The following MDGA2 variants were observed in gnomAD, a reference collection of about 807,000 sequenced individuals.
The protein encoded by MDGA2 is MAM domain-containing glycosylphosphatidylinositol anchor protein 2.
Under a neutral mutation model 117.8 loss-of-function variants are expected in MDGA2, and 40 were observed. The ratio of observed to expected loss-of-function variants is 0.34; its 90% CI spans 0.26 to 0.44. The LOEUF is 0.44. Among genes scored for constraint, MDGA2 ranks in the 20% least tolerant of loss-of-function variants. The pLI, the probability that MDGA2 is intolerant of heterozygous loss-of-function variation, is 1.00. For missense variants in MDGA2, 1,123 were observed against 1,250.6 expected (o/e 0.90, Z 1.54); for synonymous variants, 452 against 439.0 (o/e 1.03, Z -0.37).
At chr14:47,433,731 C>A (rs1042549123) in intron 1 of MDGA2, among the ~76,000 whole-genome samples, 5 of 152,192 alleles carry the variant, frequency 3.3e-5, no homozygotes, top group Non-Finnish European at 5.9e-5. Context: ...GGGATAAGCA[C>A]ACTGAGAAAA....
chr14:47,262,498 G>A (rs563636121), intron 2 of MDGA2, among the ~76,000 whole-genome samples: 1 of 152,288 alleles, frequency 6.6e-6, no homozygotes, highest in East Asian at 1.9e-4. Flanking sequence ...AATAGTATGT[G>A]CATTGTAAAA....
chr14:47,198,310 C>CGCCTG (rs1885362246), intron 3 of MDGA2, among the ~76,000 whole-genome samples: 1 of 152,292 alleles, frequency 6.6e-6, no homozygotes, highest in Admixed American at 6.5e-5. Context: ...TGGTGGCTCA[C>CGCCTG]GCCTGTAATC....
chr14:47,481,544 T>C (rs751881424), intron 1 of MDGA2, among the ~76,000 whole-genome samples: 6 of 151,968 alleles, frequency 3.9e-5, no homozygotes, highest in Non-Finnish European at 7.4e-5. Context: ...TTCAAAAATA[T>C]CCAATCTTTG....
At chr14:47,294,550 A>G (rs1888998652) in intron 2 of MDGA2, among the ~76,000 whole-genome samples, 1 of 149,894 alleles carries the variant, frequency 6.7e-6, no homozygotes, top group African/African-American at 2.4e-5. Context: ...TATGTTTATC[A>G]CAGACGAAAA....
At chr14:47,291,250 A>G (rs1416539944) in intron 2 of MDGA2, among the ~76,000 whole-genome samples, 1 of 152,230 alleles carries the variant, frequency 6.6e-6, no homozygotes. Context: ...TTTTAAATGT[A>G]GTATGTGCAG....
chr14:47,500,654 C>A (rs1218161884), intron 1 of MDGA2, among the ~76,000 whole-genome samples: 1 of 151,870 alleles, frequency 6.6e-6, no homozygotes, highest in Non-Finnish European at 1.5e-5. Flanking sequence ...GTCCAGAATG[C>A]AACAATTTTA....
chr14:47,111,835 A>G (rs1881053988), intron 5 of MDGA2, among the ~76,000 whole-genome samples: 1 of 152,148 alleles, frequency 6.6e-6, no homozygotes, highest in African/African-American at 2.4e-5. Flanking sequence ...CCTATCTTCC[A>G]TATGTTTCAA....
chr14:47,128,848 C>A (rs1882039665), intron 5 of MDGA2, among the ~76,000 whole-genome samples: 1 of 151,926 alleles, frequency 6.6e-6, no homozygotes, highest in Admixed American at 6.6e-5. Context: ...TCGCCTGCCA[C>A]CATGCCCGGC....
chr14:47,068,602 A>G (rs1890168520), intron 6 of MDGA2, among the ~76,000 whole-genome samples: 1 of 151,946 alleles, frequency 6.6e-6, no homozygotes, highest in Non-Finnish European at 1.5e-5. Context: ...GGGTATTTTG[A>G]GCTCACCTTT....
At chr14:47,138,098 A>T (rs1190836765) in intron 4 of MDGA2, among the ~76,000 whole-genome samples, 1 of 152,178 alleles carries the variant, frequency 6.6e-6, no homozygotes, top group East Asian at 1.9e-4. Flanking sequence ...AGAATGTATA[A>T]GAAAGCAGAG....
intron 3 of MDGA2, among the ~76,000 whole-genome samples, chr14:47,163,168 G>T (rs928879157): frequency 2.4e-4 from 36 of 152,278 alleles, no homozygotes; most frequent in Admixed American, 1.8e-3. Context: ...AGTCATCCCT[G>T]CTCCATGGAC....
intron 1 of MDGA2, among the ~76,000 whole-genome samples, chr14:47,330,490 T>C (rs1364804198): frequency 6.6e-6 from 1 of 151,890 alleles, no homozygotes; most frequent in Non-Finnish European, 1.5e-5. Flanking sequence ...TACAAATATT[T>C]GGTAAATTTT....
At chr14:46,881,009 AAC>A (rs72117373) in intron 11 of MDGA2, among the ~76,000 whole-genome samples, 62,408 of 145,458 alleles carry the variant, frequency 0.43, 14,088 homozygotes, top group East Asian at 0.71. Context: ...AACTATCACT[AAC>A]ACACACACAC....
At chr14:47,158,363 GGTGTGT>G (rs34198544) in intron 3 of MDGA2, among the ~76,000 whole-genome samples, 150 of 146,748 alleles carry the variant, frequency 1.0e-3, no homozygotes, top group South Asian at 4.6e-3. Flanking sequence ...CCCTGGGGTG[GGTGTGT>G]GTGTGTGTGT....
At chr14:47,089,656 GGTTT>G (rs1427503904) in intron 6 of MDGA2, among the ~76,000 whole-genome samples, 2 of 152,000 alleles carry the variant, frequency 1.3e-5, no homozygotes, top group Non-Finnish European at 2.9e-5. Context: ...ACAACCTGCA[GGTTT>G]GTTACATATG....
At chr14:47,177,845 TTA>T (rs1408779275) in intron 3 of MDGA2, among the ~76,000 whole-genome samples, 2 of 152,046 alleles carry the variant, frequency 1.3e-5, no homozygotes, top group Non-Finnish European at 2.9e-5. Flanking sequence ...TGTTAATTTA[TTA>T]TATGTATGTG....
chr14:47,175,144 G>A (rs990864128), intron 3 of MDGA2, among the ~76,000 whole-genome samples: 1 of 151,570 alleles, frequency 6.6e-6, no homozygotes, highest in Non-Finnish European at 1.5e-5. Context: ...CTCTGAAATT[G>A]TGGCAATAAT....
chr14:47,024,080 G>C (rs770288425), intron 8 of MDGA2, among the ~76,000 whole-genome samples: 1 of 152,162 alleles, frequency 6.6e-6, no homozygotes, highest in Non-Finnish European at 1.5e-5. Flanking sequence ...AGATAAGACA[G>C]ACATAGACAG....
chr14:47,626,839 G>T (rs556378334), intron 1 of MDGA2, among the ~76,000 whole-genome samples: 3 of 152,210 alleles, frequency 2.0e-5, no homozygotes, highest in Non-Finnish European at 4.4e-5. Flanking sequence ...CCTGACGAGC[G>T]CCGCCCCCTG....
Sources: allele counts gnomAD v4.1 joint callset (sites outside exome capture counted in the v4.1 genomes callset), GRCh38; gene constraint gnomAD v4.1.1; transcripts MANE v1.5; gene names NCBI Gene and HGNC (gene_info 2026-07-23, HGNC 2026-07-21).